RBM10: variants seen among roughly 807,000 people sequenced by gnomAD.
RBM10 encodes RNA binding motif protein 10, also known as RNA-binding protein 10.
A neutral mutation model predicts 84.9 loss-of-function variants in RBM10; 1 was observed. The observed-to-expected ratio is 0.01, with a 90% CI of 0.00 to 0.06. The LOEUF is 0.06. Ranked by LOEUF, RBM10 falls within the 10% of genes least tolerant of loss-of-function variation. RBM10 has a pLI of 1.00. For missense variants in RBM10, 438 were observed against 839.0 expected (o/e 0.52, Z 5.90); for synonymous variants, 326 against 344.5 (o/e 0.95, Z 0.60).
intron 5 of RBM10, among the ~76,000 whole-genome samples, 153 bp downstream of exon 5, chrX:47,173,350 T>TC (rs1934820816): frequency 9.0e-6 from 1 of 111,290 alleles, no homozygotes; most frequent in Non-Finnish European, 1.9e-5. Context: ...TCTCTCCCAC[T>TC]CCCCACACTC....
chrX:47,152,774 G>GACACACACAC (rs370048928), intron 2 of RBM10, among the ~76,000 whole-genome samples: 20 of 80,357 alleles, frequency 2.5e-4, no homozygotes, highest in African/African-American at 9.1e-4. Context: ...TCTTTACATA[G>GACACACACAC]ACACACACAC....
At chrX:47,165,913 G>A (rs782726341) in intron 2 of RBM10, among the ~76,000 whole-genome samples, 4 of 110,341 alleles carry the variant, frequency 3.6e-5, no homozygotes, top group East Asian at 2.9e-4. Flanking sequence ...CTAACTACTC[G>A]GGAGACTGAG....
At chrX:47,162,409 A>G (rs1933786629) in intron 2 of RBM10, among the ~76,000 whole-genome samples, 1 of 112,337 alleles carries the variant, frequency 8.9e-6, no homozygotes, top group East Asian at 2.8e-4. Flanking sequence ...TGTTCTATCA[A>G]ATCTTCCTTA....
chrX:47,183,112 C>T (rs1454189050), intron 17 of RBM10, among the ~76,000 whole-genome samples: 3 of 111,895 alleles, frequency 2.7e-5, no homozygotes, highest in African/African-American at 9.8e-5. Flanking sequence ...GCCTTCTTGC[C>T]GCATCATAAC....
At position 47,154,404 on chromosome X, in the gene RBM10, A is replaced by G. The variant is rs144763607; in HGVS notation, c.17+6906A>G. Reference sequence around the variant, plus strand: ...CATCTGAAAATTTATAAATTTATTCATATCTGTTCAGTTCTTGATTTTTTT... The same window carrying G: ...CATCTGAAAATTTATAAATTTATTCGTATCTGTTCAGTTCTTGATTTTTTT... On this transcript the variant is annotated intron_variant, in intron 2 of 23. Coordinates refer to ENST00000377604, the MANE Select transcript of RBM10 (RefSeq NM_005676.5). Among the ~76,000 whole-genome samples the G allele has an allele frequency of 2.5e-3, 256 of 102,943 alleles. 2 individuals carry two copies. Among genetic ancestry groups the G allele is most frequent in the African/African-American group, 8.6e-3 (244 of 28,265 alleles). The allele number at this position is 102,943 out of a possible 115,157, so 89.4% of individuals were successfully genotyped here. A position where few individuals can be genotyped will look rare whatever the true frequency, so the allele number is the denominator to read the frequency against.
chrX:47,172,615 G>A (rs1934755272), intron 4 of RBM10, among the ~76,000 whole-genome samples: 1 of 112,536 alleles, frequency 8.9e-6, no homozygotes, highest in South Asian at 3.6e-4. Flanking sequence ...CATGGTCTAG[G>A]GCACATGGCT....
chrX:47,164,804 CAG>C (rs1934043246), intron 2 of RBM10, among the ~76,000 whole-genome samples: 1 of 112,071 alleles, frequency 8.9e-6, no homozygotes, highest in African/African-American at 3.2e-5. Flanking sequence ...ATAATTCAAA[CAG>C]ATACTTGGAC....
At chrX:47,180,124 C>T (rs2147175654) in intron 10 of RBM10, 84 bp downstream of exon 10, 1 of 1,187,406 alleles carries the variant, frequency 8.4e-7, no homozygotes, top group Non-Finnish European at 1.1e-6. Context: ...CAGCCTCCCA[C>T]CGCGGCTGCC....
In RBM10 at chrX:47,171,217, G is replaced by A. The variant is rs1293292014; in HGVS notation, c.391G>A (p.Val131Ile). Reference sequence around the variant, plus strand: ...GGAGGAGGAGAAGGCCAGTAACATCGTCATGCTGAGGATGCTGCCACAGGC... The same window carrying A: ...GGAGGAGGAGAAGGCCAGTAACATCATCATGCTGAGGATGCTGCCACAGGC... The part of the protein sequence containing the change: ...EEEEEKASNI[V>I]MLRMLPQAAT... The change falls in exon 4 of 24, where the codon GTC becomes ATC. Residue 131 changes from valine to isoleucine, a missense_variant. Val to Ile is a conservative substitution (Grantham distance 29). Coordinates refer to ENST00000377604, the MANE Select transcript of RBM10 (RefSeq NM_005676.5). 3 of 1,207,747 alleles carry A rather than the reference G, an allele frequency of 2.5e-6. No homozygotes were observed. Among genetic ancestry groups the A allele is most frequent in the South Asian group, 1.8e-5 (1 of 56,395 alleles).
intron 2 of RBM10, chrX:47,157,580 G>A: frequency 2.2e-6 from 1 of 459,389 alleles, no homozygotes; most frequent in Non-Finnish European, 4.0e-6. Context: ...TGGAGCGGTC[G>A]AGCAGGGTTC....
chrX:47,184,814 A>G (rs1408378155), intron 17 of RBM10, among the ~76,000 whole-genome samples: 1 of 111,162 alleles, frequency 9.0e-6, no homozygotes, highest in African/African-American at 3.3e-5. Flanking sequence ...AGGCGAAGGA[A>G]GGGTTTTAAG....
At chrX:47,180,696 G>T (rs782536516) in intron 12 of RBM10, among the ~76,000 whole-genome samples, 190 bp downstream of exon 12, 1 of 111,276 alleles carries the variant, frequency 9.0e-6, no homozygotes, top group Non-Finnish European at 1.9e-5. Flanking sequence ...CATCATCACC[G>T]CAGCTTTCTT....
chrX:47,169,726 C>T (rs1423273962), intron 3 of RBM10, among the ~76,000 whole-genome samples: 1 of 111,498 alleles, frequency 9.0e-6, no homozygotes, highest in Non-Finnish European at 1.9e-5. Context: ...CTTCTGAGGG[C>T]CCCTGGCCAC....
intron 2 of RBM10, among the ~76,000 whole-genome samples, chrX:47,165,388 G>A (rs1384404731): frequency 1.8e-5 from 2 of 108,221 alleles, no homozygotes; most frequent in Non-Finnish European, 3.8e-5. Flanking sequence ...GGTGGTGCAT[G>A]TCTGTAATCC....
chrX:47,183,446 A>G (rs943780714), intron 17 of RBM10, among the ~76,000 whole-genome samples: 56 of 110,253 alleles, frequency 5.1e-4, no homozygotes, highest in African/African-American at 1.7e-3. Flanking sequence ...ACTTGAACCC[A>G]GGAGGCGGAG....
intron 3 of RBM10, among the ~76,000 whole-genome samples, 172 bp downstream of exon 3, chrX:47,169,670 C>T (rs1391448296): frequency 2.7e-5 from 3 of 112,057 alleles, no homozygotes; most frequent in African/African-American, 9.7e-5. Flanking sequence ...CTGAGGGCTC[C>T]TCTCCCAACC....
rs1156866422 is a variant in RBM10 at position 47,145,646 on chromosome X, T to TG, written c.-126+161_-126+162insG. 141 of 463,054 alleles carry TG rather than the reference T, an allele frequency of 3.0e-4. No individual in the cohort carries two copies. The African/African-American group carries it at 4.1e-3, about 13-fold the overall frequency. 38.2% of individuals were successfully genotyped at this position (463,054 alleles called of 1,213,427 possible). On this transcript the variant is annotated intron_variant, in intron 1 of 23. Transcript: ENST00000377604. ...GTTTTTTTTTTTTTGGTTTTTTTTT[T>TG]TTTTTTTTTTTTTTTTGGTGTGAGC...
rs1230900086 is a variant in RBM10 at position 47,181,947 on chromosome X, C to T, written c.1694-4C>T. ...AGTGTGACCCCGTTCCCCTCACCCC[C>T]TAGCTGTTCCCGACGTCTCTACCTA... On this transcript the variant is annotated splice_region_variant and splice_polypyrimidine_tract_variant and intron_variant, in intron 15 of 23. Transcript: ENST00000377604. 1.8e-5 allele frequency: 22 copies of T among 1,209,050 alleles called. No homozygotes were observed. Among genetic ancestry groups the T allele is most frequent in the Non-Finnish European group, 2.5e-5 (22 of 894,983 alleles).
rs1556780184 is a variant in RBM10 at position 47,182,191 on chromosome X, C to T, written c.1815C>T (p.Tyr605=). ...QYYYNAQSQQ[Y]LYWDGERRTY... is the part of the protein sequence containing the mutation. ...ACTACAATGCTCAGAGCCAGCAGTACCTGTACTGGGATGGGGAGAGGCGGA... is the reference window on the plus strand; with the variant it reads ...ACTACAATGCTCAGAGCCAGCAGTATCTGTACTGGGATGGGGAGAGGCGGA... The change falls in exon 17 of 24, where the codon TAC becomes TAT. Residue 605 remains tyrosine, a synonymous_variant. Coordinates refer to ENST00000377604, the MANE Select transcript of RBM10 (RefSeq NM_005676.5). The T allele has an allele frequency of 1.7e-5, 21 of 1,212,027 alleles. No individual in the cohort carries two copies. The highest frequency in any genetic ancestry group is 2.2e-5 in the Non-Finnish European group (20 of 895,582).
Sources: gnomAD v4.1 joint callset for allele counts (sites outside exome capture counted in the v4.1 genomes callset) on GRCh38, gnomAD v4.1.1 for gene constraint, MANE v1.5 for transcripts, NCBI Gene and HGNC (gene_info 2026-07-23, HGNC 2026-07-21) for gene names.